CYFIP1: variants seen among roughly 807,000 people sequenced by gnomAD.
CYFIP1 encodes the protein cytoplasmic FMR1 interacting protein 1.
CYFIP1 carries 58 observed loss-of-function variants against 163.5 expected under a neutral mutation model. The observed-to-expected ratio is 0.35, with a 90% CI of 0.29 to 0.44. The LOEUF (loss-of-function observed/expected upper bound fraction) is 0.44, where lower values mean the gene tolerates loss of function less well. CYFIP1 is among the 20% of genes least tolerant of loss of function. CYFIP1 has a pLI of 1.00. For synonymous variants in CYFIP1, 663 were observed against 660.7 expected, an observed-to-expected ratio of 1.00 and a Z score of -0.05; for missense variants, 1,338 against 1,653.8, an observed-to-expected ratio of 0.81 and a Z score of 3.31.
At chr15:22,969,564 A>G (rs1812550570) in intron 1 of CYFIP1, among the ~76,000 whole-genome samples, 1 of 152,204 alleles carries the variant, frequency 6.6e-6, no homozygotes, top group South Asian at 2.1e-4. Flanking sequence ...CCCTCCTATT[A>G]GAAATCAGGC....
chr15:22,872,601 C>T (rs1283431286), intron 30 of CYFIP1: 7 of 513,280 alleles, frequency 1.4e-5, no homozygotes, highest in Non-Finnish European at 2.1e-5. Context: ...GGAAGTAAAT[C>T]TAAGTACCTT....
rs1416428275 is a variant in CYFIP1, at chr15:22,947,899, G to A, written c.-6-608C>T. On this transcript the variant is annotated intron_variant, in intron 1 of 30. Coordinates refer to ENST00000617928, the MANE Select transcript of CYFIP1 (RefSeq NM_014608.6). ...AGGTGCAGAAATGAAGGCAGACATC[G>A]TCTAAACACACCTTCAGAGCCAGCT... The A allele has an allele frequency of 6.1e-6, 6 of 976,466 alleles. No homozygotes were observed. The East Asian group carries it at 3.4e-4, about 56-fold the overall frequency. 60.5% of individuals were successfully genotyped at this position (976,466 alleles called of 1,614,324 possible).
At chr15:22,934,646 T>A (rs1167942419) in intron 9 of CYFIP1, among the ~76,000 whole-genome samples, 1 of 150,748 alleles carries the variant, frequency 6.6e-6, no homozygotes, top group Non-Finnish European at 1.5e-5. Context: ...TACAGGCAAC[T>A]GCCACCATGC....
At position 22,910,565 on chromosome 15, in the gene CYFIP1, C is replaced by T. The variant is rs368214549; in HGVS notation, c.2223G>A (p.Pro741=). 8.7e-6 allele frequency: 14 copies of T among 1,614,030 alleles called. No individual in the cohort carries two copies. Among genetic ancestry groups the T allele is most frequent in the Middle Eastern group, 1.6e-4 (1 of 6,084 alleles). ...CKNQGATIHL[P]PSNRYETLLK... ...GCAGCGTCTCGTAGCGGTTAGACGG[C>T]GGGAGGTGGATCGTGGCTCCCTGAT... Residue 741 remains proline, a synonymous_variant, in exon 20 of 31, where the codon CCG becomes CCA. Transcript: ENST00000617928.
At chr15:22,873,364 A>C in intron 29 of CYFIP1, 127 bp downstream of exon 29, 1 of 765,224 alleles carries the variant, frequency 1.3e-6, no homozygotes, top group Non-Finnish European at 2.1e-6. Flanking sequence ...GAGGCTTAAA[A>C]GCCGCTCAGT....
intron 13 of CYFIP1, among the ~76,000 whole-genome samples, chr15:22,925,640 A>C (rs1416961047): frequency 6.6e-6 from 1 of 152,152 alleles, no homozygotes; most frequent in East Asian, 1.9e-4. Flanking sequence ...AAGGCTCACG[A>C]GGGGAGTGCA....
intron 17 of CYFIP1, among the ~76,000 whole-genome samples, chr15:22,913,549 AAAGAAAGAAAG>A (rs2060859929): frequency 1.4e-5 from 2 of 139,774 alleles, no homozygotes; most frequent in East Asian, 2.0e-4. Flanking sequence ...AAAAAAAAAA[AAAGAAAGAAAG>A]AAAAAAAAGA....
In CYFIP1 at chr15:22,867,768, T is replaced by C. The variant is rs2059219129; in HGVS notation, c.*2260A>G. The C allele has an allele frequency of 6.6e-6, 1 of 152,242 alleles. No individual in the cohort carries two copies. The highest frequency in any genetic ancestry group is 2.4e-5 in the African/African-American group (1 of 41,452). 9.4% of individuals were successfully genotyped at this position (152,242 alleles called of 1,614,324 possible). Reference sequence around the variant, plus strand: ...ATGCTTAGAACAAACTTAACATGTTTATAGAATATGGTCTCTTTGTACCAA... The same window carrying C: ...ATGCTTAGAACAAACTTAACATGTTCATAGAATATGGTCTCTTTGTACCAA... On this transcript the variant is annotated 3_prime_UTR_variant, in exon 31 of 31. Coordinates refer to ENST00000617928, the MANE Select transcript of CYFIP1 (RefSeq NM_014608.6).
intron 22 of CYFIP1, 152 bp from the exon 23 acceptor site, chr15:22,893,129 T>A: frequency 1.6e-6 from 1 of 630,174 alleles, no homozygotes; most frequent in South Asian, 2.0e-5. Flanking sequence ...TCGAAAACCA[T>A]AGAACGAATG....
chr15:22,897,111 G>C (rs2060261641), intron 22 of CYFIP1, among the ~76,000 whole-genome samples: 1 of 152,086 alleles, frequency 6.6e-6, no homozygotes, highest in African/African-American at 2.4e-5. Flanking sequence ...TACTCGGGAG[G>C]CTGAGGCAGG....
Position 22,909,231 on chromosome 15 carries a change from A to G in CYFIP1, c.2351T>C (p.Ile784Thr), listed in dbSNP as rs1354970062. 4.3e-6 allele frequency: 7 copies of G among 1,614,084 alleles called. No individual in the cohort carries two copies. The highest frequency in any genetic ancestry group is 1.7e-5 in the Admixed American group (1 of 60,000). ...AAMYKSLELA[I>T]GRFESEDLTS... ...CAAATCTTCACTTTCAAATCGTCCA[A>G]TCGCCAGTTCTAGGGACTTATACAT... Residue 784 changes from isoleucine to threonine, a missense_variant, in exon 21 of 31, where the codon ATT (isoleucine) becomes ACT (threonine). Ile to Thr is a moderately conservative substitution (Grantham distance 89). Coordinates refer to ENST00000617928, the MANE Select transcript of CYFIP1 (RefSeq NM_014608.6).
chr15:22,927,834 G>C (rs950475128), intron 12 of CYFIP1, 72 bp downstream of exon 12: 1 of 1,477,144 alleles, frequency 6.8e-7, no homozygotes, highest in Non-Finnish European at 9.0e-7. Flanking sequence ...AAAGCCCAAA[G>C]ACCAAAAGTT....
At chr15:22,947,386 C>T (rs997786766) in intron 1 of CYFIP1, 95 bp from the exon 2 acceptor site, 11 of 1,527,902 alleles carry the variant, frequency 7.2e-6, no homozygotes, top group Non-Finnish European at 9.7e-6. Context: ...AACCCCTTCC[C>T]GCTCTCCCGA....
Position 22,914,837 on chromosome 15 carries a change from T to A in CYFIP1, c.1874A>T (p.Glu625Val). 6.2e-7 allele frequency: 1 copy of A among 1,613,314 alleles called. No individual in the cohort carries two copies. The highest frequency in any genetic ancestry group is 8.5e-7 in the Non-Finnish European group (1 of 1,179,668). Residue 625 changes from glutamate to valine, a missense_variant, in exon 17 of 31, where the codon GAG becomes GTG. Glu to Val is a moderately radical substitution (Grantham distance 121, BLOSUM62 -2). This residue lies in a region of CYFIP1 where 824 missense variants were observed against 995.7 expected (regional missense o/e 0.83). Coordinates refer to ENST00000617928, the MANE Select transcript of CYFIP1 (RefSeq NM_014608.6). ...CCDLSQLWFR[E>V]FFLELTMGRR... ...GCCCATGGTCAGCTCCAGGAAGAAC[T>A]CTCGGAACCACAGCTGCGAAAGGTC... is the stretch of plus-strand genomic sequence containing the variant.
chr15:22,916,393 TG>T, intron 16 of CYFIP1, 83 bp downstream of exon 16: 1 of 1,005,910 alleles, frequency 9.9e-7, no homozygotes. Flanking sequence ...GGGTAGGGGG[TG>T]GTCAGGCGGG....
chr15:22,945,880 G>C (rs2062042379), intron 3 of CYFIP1, among the ~76,000 whole-genome samples: 1 of 152,132 alleles, frequency 6.6e-6, no homozygotes, highest in Non-Finnish European at 1.5e-5. Context: ...ACTGCGCCCA[G>C]CCTACAGCAT....
chr15:22,965,540 T>C (rs2062874769), intron 1 of CYFIP1, among the ~76,000 whole-genome samples: 2 of 152,160 alleles, frequency 1.3e-5, no homozygotes, highest in Admixed American at 1.3e-4. Context: ...GCGTGGAGCC[T>C]AGGCGTGCAG....
chr15:22,918,173 T>A (rs1315010072), intron 14 of CYFIP1, among the ~76,000 whole-genome samples: 1 of 152,202 alleles, frequency 6.6e-6, no homozygotes, highest in East Asian at 1.9e-4. Context: ...CCAGTTCGCA[T>A]CTGTTAGCCC....
At chr15:22,880,842 G>A (rs897327298) in intron 25 of CYFIP1, among the ~76,000 whole-genome samples, 5 of 152,150 alleles carry the variant, frequency 3.3e-5, no homozygotes, top group South Asian at 4.1e-4. Context: ...CCCACTTGGC[G>A]GGGGTGGGGG....
Sources: allele counts gnomAD v4.1 joint callset (sites outside exome capture counted in the v4.1 genomes callset), GRCh38; gene constraint gnomAD v4.1.1; regional missense constraint gnomAD v4.1.1; transcripts MANE v1.5; gene names NCBI Gene and HGNC (gene_info 2026-07-23, HGNC 2026-07-21).